Variants in PREX1 observed in about 807,000 individuals in gnomAD.
PREX1 encodes the protein phosphatidylinositol 3,4,5-trisphosphate-dependent Rac exchanger 1 protein.
PREX1 carries 41 observed loss-of-function variants against 198.3 expected under a neutral mutation model. The ratio of observed to expected loss-of-function variants is 0.21; its 90% confidence interval spans 0.16 to 0.27. PREX1 has a LOEUF of 0.27. PREX1 is among the 10% of genes least tolerant of loss of function. The probability of loss-of-function intolerance (pLI) is 1.00; values close to 1 mark genes in which losing one functional copy is unlikely to be tolerated. For synonymous variants in PREX1, 843 were observed against 887.2 expected (o/e 0.95, Z 0.89); for missense variants, 1,620 against 2,200.7 (o/e 0.74, Z 5.28).
chr20:48,629,409 A>G (rs779395919), intron 37 of PREX1, 40 bp downstream of exon 37: 1 of 1,600,252 alleles, frequency 6.2e-7, no homozygotes, highest in Non-Finnish European at 8.5e-7. Flanking sequence ...AAGCTAGGCC[A>G]GCCCCTCCCC....
At chr20:48,767,339 C>T (rs1601123397) in intron 1 of PREX1, among the ~76,000 whole-genome samples, 1 of 152,056 alleles carries the variant, frequency 6.6e-6, no homozygotes, top group African/African-American at 2.4e-5. Context: ...ACAGAGCCCC[C>T]GAGGAGGGAG....
chr20:48,789,869 G>A (rs759040633), intron 1 of PREX1, among the ~76,000 whole-genome samples: 5 of 152,146 alleles, frequency 3.3e-5, no homozygotes, highest in African/African-American at 7.2e-5. Context: ...GGACAGGTGG[G>A]TGGGTGGGGA....
intron 33 of PREX1, among the ~76,000 whole-genome samples, 183 bp downstream of exon 33, chr20:48,634,493 T>C (rs557143618): frequency 7.2e-5 from 11 of 152,322 alleles, no homozygotes; most frequent in Middle Eastern, 3.4e-3. Flanking sequence ...TCTTTTTCCA[T>C]GTGTGCCCCA....
the PREX1 span, among the ~76,000 whole-genome samples, chr20:48,854,325 G>A: frequency 0.1 from 15,347 of 152,200 alleles, 884 homozygotes; most frequent in Middle Eastern, 0.15. Context: ...TTCTTCCTCC[G>A]GGAAGCCCAC....
At chr20:48,828,216 T>C (rs1178167785), upstream of PREX1, among the ~76,000 whole-genome samples, 1 of 150,860 alleles carries the variant, frequency 6.6e-6, no homozygotes, top group Non-Finnish European at 1.5e-5. Context: ...CGTCGGAAGC[T>C]CGGGGGTCGG....
At position 48,655,229 on chromosome 20, in the gene PREX1, C is replaced by A. The variant is rs1243137897; in HGVS notation, c.2209+61G>T. The A allele has an allele frequency of 2.1e-6, 3 of 1,434,078 alleles. No individual in the cohort carries two copies. In the African/African-American group the frequency reaches 4.3e-5, roughly 20 times the overall value. 88.8% of individuals were successfully genotyped at this position (1,434,078 alleles called of 1,614,324 possible). ...GAGTTCAGAAGGCTCTGAACTCCTG[C>A]CACACAGACAGATCCACCATCTTCT... On this transcript the variant is annotated intron_variant, in intron 19 of 39. Coordinates refer to ENST00000371941, the MANE Select transcript of PREX1 (RefSeq NM_020820.4).
At chr20:48,867,112 A>G in the PREX1 span, among the ~76,000 whole-genome samples, 7 of 152,184 alleles carry the variant, frequency 4.6e-5, no homozygotes, top group Admixed American at 3.9e-4. Flanking sequence ...CCCCAACAAG[A>G]AAAGGAGGCC....
chr20:48,813,438 G>A (rs2090445294), intron 1 of PREX1, among the ~76,000 whole-genome samples: 1 of 152,184 alleles, frequency 6.6e-6, no homozygotes. Flanking sequence ...GATGGGTATA[G>A]GGAACACTTG....
intron 1 of PREX1, among the ~76,000 whole-genome samples, chr20:48,784,005 A>G (rs2090301347): frequency 6.6e-6 from 1 of 152,208 alleles, no homozygotes; most frequent in Admixed American, 6.5e-5. Context: ...AAATCCTGCA[A>G]AAGATGCAGG....
chr20:48,661,444 A>AAAAAAAAAAAAATATATATATAT (rs1555832820), intron 15 of PREX1, among the ~76,000 whole-genome samples: 1 of 49,596 alleles, frequency 2.0e-5, no homozygotes, highest in Non-Finnish European at 3.1e-5. Flanking sequence ...AAAAAAAAAA[A>AAAAAAAAAAAAATATATATATAT]ATATATATAT....
chr20:48,751,118 C>T (rs183638330), intron 1 of PREX1, among the ~76,000 whole-genome samples: 2 of 152,328 alleles, frequency 1.3e-5, no homozygotes, highest in East Asian at 1.9e-4. Flanking sequence ...GTTTGGAATG[C>T]GCCTGGCACA....
At chr20:48,656,950 G>C in intron 18 of PREX1, 90 bp downstream of exon 18, 2 of 1,436,548 alleles carry the variant, frequency 1.4e-6, no homozygotes, top group East Asian at 2.5e-5. Context: ...CCAGCCACGG[G>C]GGACCAGGAC....
intron 5 of PREX1, among the ~76,000 whole-genome samples, chr20:48,720,261 T>C (rs541551757): frequency 1.3e-5 from 2 of 152,314 alleles, no homozygotes; most frequent in Non-Finnish European, 2.9e-5. Flanking sequence ...GAACCTGATA[T>C]TTATTTTTTC....
chr20:48,810,202 A>G (rs2090427985), intron 1 of PREX1, among the ~76,000 whole-genome samples: 1 of 152,118 alleles, frequency 6.6e-6, no homozygotes, highest in Non-Finnish European at 1.5e-5. Flanking sequence ...CTTAAAACAC[A>G]TAACCCTCTT....
At chr20:48,825,479 T>C (rs955531282) in intron 1 of PREX1, among the ~76,000 whole-genome samples, 14 of 152,178 alleles carry the variant, frequency 9.2e-5, no homozygotes, top group African/African-American at 3.4e-4. Context: ...GGAGATAATG[T>C]GAAAGTAGAG....
intron 2 of PREX1, among the ~76,000 whole-genome samples, chr20:48,747,579 G>A (rs931525671): frequency 6.6e-6 from 1 of 152,190 alleles, no homozygotes; most frequent in Non-Finnish European, 1.5e-5. Context: ...TGGAAAGTGG[G>A]GCCCGGGGCT....
intron 14 of PREX1, among the ~76,000 whole-genome samples, chr20:48,670,978 G>A (rs114141760): frequency 1.2e-3 from 187 of 152,328 alleles, no homozygotes; most frequent in African/African-American, 4.4e-3. Flanking sequence ...AAGCCGTTCC[G>A]GAGCTGACAG....
the PREX1 span, among the ~76,000 whole-genome samples, chr20:48,887,875 G>A: frequency 6.6e-6 from 1 of 151,324 alleles, no homozygotes; most frequent in South Asian, 2.1e-4. Context: ...GCGTAAACCC[G>A]GGAGGCGGAG....
chr20:48,741,155 C>G (rs114512206), intron 3 of PREX1, among the ~76,000 whole-genome samples: 2,434 of 152,050 alleles, frequency 0.016, 66 homozygotes, highest in African/African-American at 0.055. Context: ...AATAATAATA[C>G]AAAGAATACT....
Sources: gnomAD v4.1 joint callset for allele counts (sites outside exome capture counted in the v4.1 genomes callset) on GRCh38, gnomAD v4.1.1 for gene constraint, MANE v1.5 for transcripts, NCBI Gene and HGNC (gene_info 2026-07-23, HGNC 2026-07-21) for gene names.